Variants in MRC1 observed in about 807,000 individuals in gnomAD.
MRC1 encodes mannose receptor C-type 1.
MRC1 carries 62 observed loss-of-function variants against 102.9 expected under a neutral mutation model. The ratio of observed to expected loss-of-function variants is 0.60; its 90% CI spans 0.49 to 0.74. The LOEUF is 0.74. Ranked by LOEUF, MRC1 falls within the 30% of genes least tolerant of loss-of-function variation. The pLI, the probability that MRC1 is intolerant of heterozygous loss-of-function variation, is 0.00. For synonymous variants in MRC1, 457 were observed against 298.4 expected, an observed-to-expected ratio of 1.53 and a Z score of -5.48; for missense variants, 1,237 against 862.8, an observed-to-expected ratio of 1.43 and a Z score of -5.43.
intron 10 of MRC1, among the ~76,000 whole-genome samples, chr10:17,862,222 TA>T (rs34103363): frequency 0.12 from 17,838 of 152,210 alleles, 1,202 homozygotes; most frequent in Non-Finnish European, 0.16. Flanking sequence ...CTGTTGATAT[TA>T]AAAAATCTTT....
chr10:17,906,674 C>A (rs1163349311), intron 26 of MRC1, among the ~76,000 whole-genome samples: 1 of 152,140 alleles, frequency 6.6e-6, no homozygotes, highest in Non-Finnish European at 1.5e-5. Flanking sequence ...TAGTTCAGTG[C>A]TTGTACTCAA....
At chr10:17,849,409 C>T (rs1199626691) in intron 6 of MRC1, among the ~76,000 whole-genome samples, 170 bp from the exon 7 acceptor site, 1 of 151,666 alleles carries the variant, frequency 6.6e-6, no homozygotes, top group Non-Finnish European at 1.5e-5. Context: ...TAGTATATGC[C>T]TTGTCTATTT....
intron 5 of MRC1, 71 bp from the exon 6 acceptor site, chr10:17,845,218 A>T: frequency 1.3e-6 from 1 of 780,626 alleles, no homozygotes; most frequent in East Asian, 2.4e-5. Context: ...AGACATGAGG[A>T]GACGTGGGAG....
chr10:17,813,351 C>T (rs1034629171), intron 1 of MRC1, among the ~76,000 whole-genome samples: 3 of 152,174 alleles, frequency 2.0e-5, no homozygotes, highest in Non-Finnish European at 4.4e-5. Flanking sequence ...TGATACTCCT[C>T]TATTTCATTT....
chr10:17,828,234 G>A (rs1003035020), intron 3 of MRC1, among the ~76,000 whole-genome samples: 2 of 151,614 alleles, frequency 1.3e-5, no homozygotes, highest in East Asian at 1.9e-4. Flanking sequence ...CCGCCACCAC[G>A]CCTGGCTAAT....
intron 24 of MRC1, among the ~76,000 whole-genome samples, chr10:17,900,076 G>A (rs1025070783): frequency 1.0e-3 from 146 of 146,512 alleles, no homozygotes; most frequent in African/African-American, 2.8e-3. Flanking sequence ...CAAGCCTGGG[G>A]GACAAGAGCG....
chr10:17,878,386 A>G (rs1347195415), intron 18 of MRC1, among the ~76,000 whole-genome samples: 3 of 152,168 alleles, frequency 2.0e-5, no homozygotes, highest in Non-Finnish European at 1.5e-5. Context: ...TAGCAGCACT[A>G]TTTTGAAGCA....
chr10:17,872,816 A>C (rs1833372827), intron 15 of MRC1, among the ~76,000 whole-genome samples: 1 of 152,198 alleles, frequency 6.6e-6, no homozygotes, highest in Non-Finnish European at 1.5e-5. Flanking sequence ...ACAAGCAAAT[A>C]AACAAACCTA....
Position 17,840,711 on chromosome 10 carries a change from C to T in MRC1, c.821C>T (p.Thr274Ile), listed in dbSNP as rs1441787081. ...AATATAGGATTAACCAGTTCCTTGACCTCAGGACTCTGGATTGGACTTAAC... is the reference window on the plus strand; with the variant it reads ...AATATAGGATTAACCAGTTCCTTGATCTCAGGACTCTGGATTGGACTTAAC... ...TYLTGLTSSL[T>I]SGLWIGLNSL... The change falls in exon 5 of 30, where the codon ACC becomes ATC. Residue 274 changes from threonine to isoleucine, a missense_variant. By Grantham distance (89) the Thr-to-Ile change is moderately conservative (BLOSUM62 -1). Coordinates refer to ENST00000569591, the MANE Select transcript of MRC1 (RefSeq NM_002438.4). 3 of 780,730 alleles carry T rather than the reference C, an allele frequency of 3.8e-6. No homozygotes were observed. The highest frequency in any genetic ancestry group is 2.4e-5 in the East Asian group (1 of 41,262). 48.4% of individuals were successfully genotyped at this position (780,730 alleles called of 1,614,324 possible).
At chr10:17,844,408 T>C (rs1838795215) in intron 5 of MRC1, among the ~76,000 whole-genome samples, 1 of 151,506 alleles carries the variant, frequency 6.6e-6, no homozygotes, top group African/African-American at 2.4e-5. Context: ...TTAGTAGAAA[T>C]GGGGTTTCAT....
At chr10:17,842,072 T>C (rs1216952503) in intron 5 of MRC1, among the ~76,000 whole-genome samples, 2 of 152,136 alleles carry the variant, frequency 1.3e-5, no homozygotes, top group Admixed American at 6.5e-5. Flanking sequence ...AAGTCATTCT[T>C]GTGCCTCAGC....
At position 17,898,232 on chromosome 10, in the gene MRC1, A is replaced by G; in HGVS notation, c.3449A>G (p.Asn1150Ser). ...AFAWLQMETS[N>S]ERVWIALNSN... ...GCGTGGCTGCAGATGGAAACATCTA[A>G]TGAACGTGTGTGGATCGCCCTGAAC... Residue 1150 changes from asparagine to serine, a missense_variant, in exon 24 of 30, where the codon AAT (asparagine) becomes AGT (serine). By Grantham distance (46) the Asn-to-Ser change is conservative (BLOSUM62 1). Transcript: ENST00000569591. The G allele has an allele frequency of 1.3e-6, 1 of 780,868 alleles. No homozygotes were observed. The highest frequency in any genetic ancestry group is 2.4e-6 in the Non-Finnish European group (1 of 417,934). The allele number at this position is 780,868 out of a possible 1,614,324, so 48.4% of individuals were successfully genotyped here. A position where few individuals can be genotyped will look rare whatever the true frequency, so the allele number is the denominator to read the frequency against.
chr10:17,834,000 C>T (rs1838622783), intron 4 of MRC1, among the ~76,000 whole-genome samples, 161 bp downstream of exon 4: 1 of 152,148 alleles, frequency 6.6e-6, no homozygotes, highest in African/African-American at 2.4e-5. Context: ...AAAATGACAC[C>T]AGGGATGGCA....
chr10:17,844,145 T>C (rs891218585), intron 5 of MRC1, among the ~76,000 whole-genome samples: 2 of 152,210 alleles, frequency 1.3e-5, no homozygotes, highest in Admixed American at 6.5e-5. Flanking sequence ...GTTGAAGATA[T>C]TGAGACAGTT....
chr10:17,857,235 A>C (rs1246195832), intron 9 of MRC1, among the ~76,000 whole-genome samples: 1 of 152,150 alleles, frequency 6.6e-6, no homozygotes, highest in Non-Finnish European at 1.5e-5. Flanking sequence ...AATTCTGGAA[A>C]CTTCAGTTCA....
rs964250464 is a variant in MRC1, at chr10:17,879,858, G to A, written c.2719+37G>A. ...ATGCATATTGAATTTGCTTTGTGGCGTGGCGTGTCATTTGCCACATCCCTA... is the reference window on the plus strand; with the variant it reads ...ATGCATATTGAATTTGCTTTGTGGCATGGCGTGTCATTTGCCACATCCCTA... On this transcript the variant is annotated intron_variant, in intron 19 of 29. Transcript: ENST00000569591. The A allele has an allele frequency of 1.1e-4, 88 of 780,804 alleles. 1 individual carries two copies. The East Asian group carries it at 1.2e-3, about 11-fold the overall frequency. 48.4% of individuals were successfully genotyped at this position (780,804 alleles called of 1,614,324 possible). A position where few individuals can be genotyped will look rare whatever the true frequency, so the allele number is the denominator to read the frequency against.
intron 18 of MRC1, 82 bp downstream of exon 18, chr10:17,878,049 G>C: frequency 1.2e-6 from 1 of 806,852 alleles, no homozygotes; most frequent in South Asian, 1.4e-5. Context: ...ATTTTTCTTT[G>C]TGGAATGCAT....
chr10:17,894,971 G>C (rs1833735411), intron 23 of MRC1, among the ~76,000 whole-genome samples: 1 of 152,248 alleles, frequency 6.6e-6, no homozygotes, highest in South Asian at 2.1e-4. Context: ...CCCCGCATTT[G>C]AGACCAGCCT....
In MRC1 at chr10:17,874,896, T is replaced by G. The variant is rs921186759; in HGVS notation, c.2387-194T>G. On this transcript the variant is annotated intron_variant, in intron 16 of 29. Transcript: ENST00000569591. The stretch of plus-strand genomic sequence containing the variant: ...ACAAAATGGGTCCTTTTTACCAGAT[T>G]GGTAGAAAGTGGATATTTGGGCTGG... Among the ~76,000 whole-genome samples, 761 of 152,314 alleles carry G rather than the reference T, an allele frequency of 5.0e-3. 7 individuals carry two copies. The highest frequency in any genetic ancestry group is 0.01 in the Admixed American group (160 of 15,294).
Sources: gnomAD v4.1 joint callset for allele counts (sites outside exome capture counted in the v4.1 genomes callset) on GRCh38, gnomAD v4.1.1 for gene constraint, MANE v1.5 for transcripts, NCBI Gene and HGNC (gene_info 2026-07-23, HGNC 2026-07-21) for gene names.